Variants in CYRIA observed in about 807,000 individuals in gnomAD.
The protein encoded by CYRIA is CYFIP-related Rac1 interactor A.
In CYRIA, 15 loss-of-function variants were observed where a neutral mutation model predicts 43.9. The observed-to-expected ratio is 0.34, with a 90% confidence interval of 0.23 to 0.53. CYRIA has a LOEUF of 0.53. Among genes scored for constraint, CYRIA ranks in the 20% least tolerant of loss-of-function variants. The pLI, the probability that CYRIA is intolerant of heterozygous loss-of-function variation, is 0.94. For synonymous variants in CYRIA, 117 were observed against 136.0 expected, an observed-to-expected ratio of 0.86 and a Z score of 0.97; for missense variants, 236 against 394.2, an observed-to-expected ratio of 0.60 and a Z score of 3.40.
intron 1 of CYRIA, among the ~76,000 whole-genome samples, chr2:16,628,913 G>A (rs1368140392): frequency 2.0e-5 from 3 of 152,216 alleles, no homozygotes; most frequent in African/African-American, 7.2e-5. Context: ...TTATAAAGCA[G>A]TCATGTTATG....
At chr2:16,608,416 A>C (rs1410505755) in intron 2 of CYRIA, among the ~76,000 whole-genome samples, 18 of 152,336 alleles carry the variant, frequency 1.2e-4, no homozygotes, top group Admixed American at 1.1e-3. Context: ...AATACACGGA[A>C]GCCCAGAAAC....
intron 1 of CYRIA, among the ~76,000 whole-genome samples, chr2:16,628,563 G>A (rs781077398): frequency 5.3e-5 from 8 of 152,194 alleles, no homozygotes; most frequent in African/African-American, 9.6e-5. Flanking sequence ...TATATACACA[G>A]TCATACAGTT....
chr2:16,562,102 G>A lies in CYRIA; in HGVS notation c.338C>T (p.Pro113Leu), dbSNP rs1376655065. Residue 113 changes from proline (P) to leucine (L), a missense_variant, in exon 6 of 12, where the codon CCA becomes CTA. By Grantham distance (98) the Pro-to-Leu change is moderately conservative. This residue lies in a region of CYRIA where 193 missense variants were observed against 303.9 expected (regional missense o/e 0.64). Coordinates refer to ENST00000381323, the MANE Select transcript of CYRIA (RefSeq NM_030797.4). ...LQSLLESLTC[P>L]PYTPTQHLER... is the part of the protein sequence containing the mutation. ...CAGGTGTTGGGTTGGTGTGTAGGGTGGACAAGTCAGAGATTCCAATAAACT... is the reference window on the plus strand; with the variant it reads ...CAGGTGTTGGGTTGGTGTGTAGGGTAGACAAGTCAGAGATTCCAATAAACT... 1 of 1,612,756 alleles carries A rather than the reference G, an allele frequency of 6.2e-7. No homozygotes were observed. Among genetic ancestry groups the A allele is most frequent in the Admixed American group, 1.7e-5 (1 of 59,898 alleles).
intron 10 of CYRIA, 95 bp downstream of exon 10, chr2:16,559,365 A>G: frequency 7.2e-7 from 1 of 1,393,938 alleles, no homozygotes; most frequent in East Asian, 2.4e-5. Context: ...GATCACTCTC[A>G]GTGGAGAGGT....
chr2:16,661,080 C>G (rs1670240516), intron 1 of CYRIA, among the ~76,000 whole-genome samples: 3 of 152,100 alleles, frequency 2.0e-5, no homozygotes, highest in Admixed American at 2.0e-4. Flanking sequence ...CCCAGGAGTT[C>G]AAGACCAGCC....
intron 1 of CYRIA, among the ~76,000 whole-genome samples, chr2:16,665,397 G>C (rs1670362715): frequency 6.6e-6 from 1 of 151,930 alleles, no homozygotes; most frequent in Non-Finnish European, 1.5e-5. Context: ...CCAGGACCCC[G>C]GGGCCTCGGG....
intron 3 of CYRIA, among the ~76,000 whole-genome samples, chr2:16,579,488 T>TA (rs1325250867): frequency 1.3e-4 from 20 of 151,324 alleles, no homozygotes; most frequent in South Asian, 6.2e-4. Context: ...CAATTTAAAA[T>TA]AAAAAAACAC....
At chr2:16,628,995 A>T (rs1669244589) in intron 1 of CYRIA, among the ~76,000 whole-genome samples, 1 of 152,154 alleles carries the variant, frequency 6.6e-6, no homozygotes, top group Admixed American at 6.5e-5. Flanking sequence ...TGTGCCCTGG[A>T]AGCCCCGGAA....
At chr2:16,601,523 G>GCA (rs1343846394) in intron 2 of CYRIA, among the ~76,000 whole-genome samples, 2 of 152,126 alleles carry the variant, frequency 1.3e-5, no homozygotes, top group Non-Finnish European at 2.9e-5. Context: ...AAGCCTGCCT[G>GCA]CACGCCCTTG....
intron 2 of CYRIA, among the ~76,000 whole-genome samples, chr2:16,623,500 T>G (rs1669064517): frequency 6.6e-6 from 1 of 152,204 alleles, no homozygotes; most frequent in Non-Finnish European, 1.5e-5. Context: ...ACATGGGATC[T>G]AAATTCCATC....
intron 2 of CYRIA, among the ~76,000 whole-genome samples, chr2:16,592,022 C>A (rs1406520136): frequency 6.6e-6 from 1 of 151,980 alleles, no homozygotes; most frequent in African/African-American, 2.4e-5. Flanking sequence ...TAAATTCATT[C>A]CTGTGGGGAG....
chr2:16,587,990 T>C, intron 3 of CYRIA, 60 bp downstream of exon 3: 1 of 1,076,528 alleles, frequency 9.3e-7, no homozygotes, highest in Non-Finnish European at 1.4e-6. Flanking sequence ...TATAACTTCC[T>C]TATCAACAAT....
intron 2 of CYRIA, chr2:16,622,869 A>G (rs964316600): frequency 3.9e-5 from 6 of 152,384 alleles, no homozygotes; most frequent in East Asian, 1.9e-4. Flanking sequence ...AGAGTCTGGC[A>G]TAAGAAACAA....
chr2:16,569,086 C>A (rs1196935550), intron 3 of CYRIA, among the ~76,000 whole-genome samples: 1 of 152,186 alleles, frequency 6.6e-6, no homozygotes, highest in Admixed American at 6.5e-5. Context: ...AAACAAGCTG[C>A]GCTCTCCATC....
intron 2 of CYRIA, among the ~76,000 whole-genome samples, chr2:16,622,632 T>A (rs1266148704): frequency 6.6e-6 from 1 of 152,218 alleles, no homozygotes; most frequent in Non-Finnish European, 1.5e-5. Context: ...GTACTATCCC[T>A]ACCTTACAGG....
chr2:16,634,698 G>A (rs1326154552), intron 1 of CYRIA, among the ~76,000 whole-genome samples: 4 of 152,196 alleles, frequency 2.6e-5, no homozygotes, highest in Non-Finnish European at 4.4e-5. Context: ...GTCCAGAGGA[G>A]AGCAAGACTA....
chr2:16,632,739 G>C (rs775104600), intron 1 of CYRIA, among the ~76,000 whole-genome samples: 3 of 152,140 alleles, frequency 2.0e-5, no homozygotes, highest in Non-Finnish European at 2.9e-5. Context: ...ATGACAGCTG[G>C]GAGCCGGCTT....
rs1669241350 is a variant in CYRIA at position 16,628,902 on chromosome 2, G to A, written c.-166-4883C>T. 2.0e-5 allele frequency among the ~76,000 whole-genome samples: 3 copies of A among 152,184 alleles called. No individual in the cohort carries two copies. In the South Asian group the frequency reaches 6.2e-4, roughly 31 times the overall value. ...TAGATAAACAGGCTGATGCCACTTG[G>A]TTATAAAGCAGTCATGTTATGGTTT... On this transcript the variant is annotated intron_variant, in intron 1 of 11. Transcript: ENST00000381323.
chr2:16,583,927 G>A lies in CYRIA; in HGVS notation c.70+4123C>T, dbSNP rs570169080. On this transcript the variant is annotated intron_variant, in intron 3 of 11. Transcript: ENST00000381323. ...AACAGGAATACCTAAGGACAGATGT[G>A]TCTAATTTTGTATTGTTTTGACCCA... is the stretch of plus-strand genomic sequence containing the variant. 8.5e-5 allele frequency among the ~76,000 whole-genome samples: 13 copies of A among 152,310 alleles called. No homozygotes were observed. In the East Asian group the frequency reaches 2.1e-3, roughly 25 times the overall value.
Sources: allele counts gnomAD v4.1 joint callset (sites outside exome capture counted in the v4.1 genomes callset), GRCh38; gene constraint gnomAD v4.1.1; regional missense constraint gnomAD v4.1.1; transcripts MANE v1.5; gene names NCBI Gene and HGNC (gene_info 2026-07-23, HGNC 2026-07-21).